The following DPP6 variants were observed in gnomAD, a reference collection of about 807,000 sequenced individuals.
The protein encoded by DPP6 is A-type potassium channel modulatory protein DPP6.
In DPP6, 69 loss-of-function variants were observed where a neutral mutation model predicts 122.6. The ratio of observed to expected loss-of-function variants is 0.56; its 90% CI spans 0.46 to 0.69. The LOEUF is 0.69. Ranked by LOEUF, DPP6 falls within the 30% of genes least tolerant of loss-of-function variation. The probability of loss-of-function intolerance (pLI) is 0.00; values close to 1 mark genes in which losing one functional copy is unlikely to be tolerated. For missense variants in DPP6, 928 were observed against 1,116.9 expected, an observed-to-expected ratio of 0.83 and a Z score of 2.41; for synonymous variants, 418 against 433.1, an observed-to-expected ratio of 0.97 and a Z score of 0.43.
chr7:154,452,680 C>G (rs1228623939), intron 2 of DPP6, among the ~76,000 whole-genome samples: 1 of 152,184 alleles, frequency 6.6e-6, no homozygotes, highest in Non-Finnish European at 1.5e-5. Flanking sequence ...TCCTGGTACC[C>G]AGGGGCCCCT....
At chr7:154,078,278 G>A (rs1803713837) in intron 1 of DPP6, among the ~76,000 whole-genome samples, 1 of 151,710 alleles carries the variant, frequency 6.6e-6, no homozygotes, top group African/African-American at 2.4e-5. Context: ...CAGAAAAGGG[G>A]CTTAATATAG....
At chr7:153,766,002 T>G in the DPP6 span, among the ~76,000 whole-genome samples, 108 of 152,236 alleles carry the variant, frequency 7.1e-4, no homozygotes, top group African/African-American at 2.4e-3. Context: ...CTTACAAAGC[T>G]CCCAAATGGT....
At chr7:154,709,064 T>TA (rs1841000779) in intron 7 of DPP6, among the ~76,000 whole-genome samples, 1 of 151,548 alleles carries the variant, frequency 6.6e-6, no homozygotes. Flanking sequence ...TAAATAAAAA[T>TA]AAAATAACGT....
intron 1 of DPP6, among the ~76,000 whole-genome samples, chr7:154,229,824 G>T (rs915276919): frequency 3.3e-5 from 5 of 151,650 alleles, no homozygotes; most frequent in African/African-American, 1.2e-4. Context: ...CATCAAACTA[G>T]ATCCTGTTCA....
intron 1 of DPP6, among the ~76,000 whole-genome samples, chr7:154,001,550 T>G (rs1797691425): frequency 6.6e-6 from 1 of 151,884 alleles, no homozygotes; most frequent in Non-Finnish European, 1.5e-5. Flanking sequence ...TTGTTGGAAC[T>G]GACAGCTCCA....
intron 1 of DPP6, among the ~76,000 whole-genome samples, chr7:154,309,803 G>C (rs1316172390): frequency 1.3e-5 from 2 of 152,200 alleles, no homozygotes; most frequent in East Asian, 3.8e-4. Flanking sequence ...TAGGGAAGGT[G>C]GTCCTTTTGC....
chr7:154,685,026 A>G (rs957945476), intron 7 of DPP6, among the ~76,000 whole-genome samples: 1 of 152,248 alleles, frequency 6.6e-6, no homozygotes, highest in Non-Finnish European at 1.5e-5. Flanking sequence ...ATGGAAAAGC[A>G]AACGATCTAT....
At chr7:154,448,304 A>G (rs1189981178) in intron 2 of DPP6, among the ~76,000 whole-genome samples, 1 of 152,194 alleles carries the variant, frequency 6.6e-6, no homozygotes, top group Non-Finnish European at 1.5e-5. Context: ...CCCAAAATAA[A>G]ATTAAGAAAA....
intron 25 of DPP6, chr7:154,891,012 T>A (rs1214380712): frequency 1.3e-5 from 2 of 152,160 alleles, no homozygotes; most frequent in African/African-American, 2.4e-5. Context: ...GGGATTGCCT[T>A]GAGCTCAGGA....
chr7:154,861,654 A>AATT (rs1375977006), intron 17 of DPP6, among the ~76,000 whole-genome samples: 2 of 152,228 alleles, frequency 1.3e-5, no homozygotes, highest in Non-Finnish European at 2.9e-5. Context: ...CACATCAAGC[A>AATT]ATTAGGATAC....
At chr7:154,625,123 G>A (rs1054872658) in intron 5 of DPP6, among the ~76,000 whole-genome samples, 14 of 152,196 alleles carry the variant, frequency 9.2e-5, no homozygotes, top group Admixed American at 3.9e-4. Context: ...CAGAGCATCC[G>A]TGAATAATCT....
chr7:154,168,008 G>A (rs969789832), intron 1 of DPP6, among the ~76,000 whole-genome samples: 1 of 152,154 alleles, frequency 6.6e-6, no homozygotes, highest in Non-Finnish European at 1.5e-5. Flanking sequence ...TGGAGGTTTT[G>A]TCAGTGAGCA....
At chr7:154,182,884 A>T (rs1379570999) in intron 1 of DPP6, among the ~76,000 whole-genome samples, 1 of 152,106 alleles carries the variant, frequency 6.6e-6, no homozygotes, top group Admixed American at 6.5e-5. Flanking sequence ...ATATTCTCCC[A>T]GAAATAGGTT....
chr7:154,613,985 G>A (rs1039767195), intron 5 of DPP6, among the ~76,000 whole-genome samples: 7 of 152,152 alleles, frequency 4.6e-5, no homozygotes, highest in Non-Finnish European at 7.3e-5. Context: ...TCCGCATTCC[G>A]CATACAGTGT....
At chr7:154,414,377 A>C (rs1816850778) in intron 1 of DPP6, among the ~76,000 whole-genome samples, 1 of 152,216 alleles carries the variant, frequency 6.6e-6, no homozygotes, top group Non-Finnish European at 1.5e-5. Flanking sequence ...TCAATCAATC[A>C]ATCGTACAGT....
rs984712166 is a variant in DPP6, at chr7:154,893,421, C to G, written c.*941C>G. ...CAACCATCCTTGTCCTCCTTGGTAC[C>G]GTATCAAGCTCTTTCCCATGACATT... On this transcript the variant is annotated 3_prime_UTR_variant, in exon 26 of 26. Transcript: ENST00000377770. 1.5e-5 allele frequency: 2 copies of G among 135,188 alleles called. No individual in the cohort carries two copies. Among genetic ancestry groups the G allele is most frequent in the South Asian group, 2.4e-4 (1 of 4,148 alleles). 8.4% of individuals were successfully genotyped at this position (135,188 alleles called of 1,614,324 possible). A position where few individuals can be genotyped will look rare whatever the true frequency, so the allele number is the denominator to read the frequency against.
intron 1 of DPP6, among the ~76,000 whole-genome samples, chr7:154,408,906 C>T (rs576406513): frequency 2.6e-5 from 4 of 152,060 alleles, no homozygotes; most frequent in East Asian, 1.9e-4. Flanking sequence ...TTTGGGAGGC[C>T]GAGGCTGGTG....
At chr7:153,871,260 A>G in the DPP6 span, among the ~76,000 whole-genome samples, 1 of 152,210 alleles carries the variant, frequency 6.6e-6, no homozygotes, top group African/African-American at 2.4e-5. Flanking sequence ...TGGAGCCTGT[A>G]GAGGCAGGCA....
chr7:153,886,223 C>T (rs1429328488), upstream of DPP6, among the ~76,000 whole-genome samples: 1 of 151,912 alleles, frequency 6.6e-6, no homozygotes, highest in East Asian at 1.9e-4. Context: ...ATGAATTTGA[C>T]CAACCTCTGC....
Sources: allele counts gnomAD v4.1 joint callset (sites outside exome capture counted in the v4.1 genomes callset), GRCh38; gene constraint gnomAD v4.1.1; transcripts MANE v1.5; gene names NCBI Gene and HGNC (gene_info 2026-07-23, HGNC 2026-07-21).